The following TSPAN14 variants were observed in gnomAD, a reference collection of about 807,000 sequenced individuals.
The protein encoded by TSPAN14 is tetraspanin 14.
In TSPAN14, 16 loss-of-function variants were observed where a neutral mutation model predicts 36.6. That is an observed-to-expected ratio of 0.44 (90% CI 0.30 to 0.66). The LOEUF is 0.66. Ranked by LOEUF, TSPAN14 falls within the 30% of genes least tolerant of loss-of-function variation. TSPAN14 has a pLI of 0.12. For missense variants in TSPAN14, 231 were observed against 355.1 expected, an observed-to-expected ratio of 0.65 and a Z score of 2.81; for synonymous variants, 139 against 143.8, an observed-to-expected ratio of 0.97 and a Z score of 0.24.
At chr10:80,476,146 C>T (rs190707781) in intron 1 of TSPAN14, among the ~76,000 whole-genome samples, 85 of 151,946 alleles carry the variant, frequency 5.6e-4, no homozygotes, top group African/African-American at 1.9e-3. Flanking sequence ...CTGAGGCAGG[C>T]GAATTGCTTG....
intron 7 of TSPAN14, 197 bp from the exon 8 acceptor site, chr10:80,516,007 T>C: frequency 1.4e-6 from 1 of 699,720 alleles, no homozygotes; most frequent in Non-Finnish European, 2.3e-6. Flanking sequence ...AGACAGGTGG[T>C]GCGATGGCAC....
intron 2 of TSPAN14, among the ~76,000 whole-genome samples, chr10:80,501,544 T>C (rs1175243428): frequency 5.3e-5 from 8 of 152,172 alleles, no homozygotes; most frequent in Non-Finnish European, 4.4e-5. Context: ...TTGTTGAGTG[T>C]CCTTAAGGTA....
chr10:80,517,831 C>T lies in TSPAN14; in HGVS notation c.742-74C>T, dbSNP rs768120755. On this transcript the variant is annotated intron_variant, in intron 8 of 8. Coordinates refer to ENST00000429989, the Ensembl canonical transcript of TSPAN14. ...AGAGGCGTGCAGTGGGAGCTCCCAA[C>T]CCCACCCTCCGCTCCCTGCCCTCTG... 7.7e-4 allele frequency: 1,123 copies of T among 1,454,392 alleles called. 3 individuals carry two copies. The highest frequency in any genetic ancestry group is 9.7e-4 in the Non-Finnish European group (1,028 of 1,059,452). 90.1% of individuals were successfully genotyped at this position (1,454,392 alleles called of 1,614,324 possible). A position where few individuals can be genotyped will look rare whatever the true frequency, so the allele number is the denominator to read the frequency against.
chr10:80,522,600 TAAATA>T (rs1357462166), exon 9 of TSPAN14: 5 of 152,178 alleles, frequency 3.3e-5, no homozygotes, highest in African/African-American at 4.8e-5. Context: ...AAAGTACACT[TAAATA>T]AAAATCTAAA....
chr10:80,474,831 T>G (rs878652), intron 1 of TSPAN14, among the ~76,000 whole-genome samples: 39,791 of 151,910 alleles, frequency 0.26, 9,008 homozygotes, highest in African/African-American at 0.62. Flanking sequence ...TTCCCTTGGG[T>G]TTTCTCTCCC....
chr10:80,504,863 C>A, intron 3 of TSPAN14, 85 bp downstream of exon 3: 1 of 1,425,476 alleles, frequency 7.0e-7, no homozygotes, highest in Non-Finnish European at 9.9e-7. Flanking sequence ...CCAATCTGTT[C>A]CCTGACAACA....
At chr10:80,506,004 C>T (rs556006273) in intron 3 of TSPAN14, among the ~76,000 whole-genome samples, 7 of 152,358 alleles carry the variant, frequency 4.6e-5, no homozygotes, top group African/African-American at 1.4e-4. Context: ...CAGACAGAGA[C>T]TCTGTTGCCC....
chr10:80,520,479 C>T (rs578067841), exon 9 of TSPAN14: 20 of 454,622 alleles, frequency 4.4e-5, no homozygotes, highest in African/African-American at 1.8e-4. Flanking sequence ...CCTGAATCCC[C>T]GCCTTCCCTG....
rs13377059 is a variant in TSPAN14 at position 80,465,403 on chromosome 10, C to T, written c.-18+11032C>T. Among the ~76,000 whole-genome samples the T allele has an allele frequency of 5.5e-3, 844 of 152,328 alleles. 7 individuals carry two copies. Among genetic ancestry groups the T allele is most frequent in the Middle Eastern group, 0.024 (7 of 294 alleles). On this transcript the variant is annotated intron_variant, in intron 1 of 8. Coordinates refer to ENST00000429989, the Ensembl canonical transcript of TSPAN14. The stretch of plus-strand genomic sequence containing the variant: ...GCCATTTTCCTTTGTTCTGCCATCT[C>T]CGGGCTCTTGAATCTCAGGCTGGCA...
intron 1 of TSPAN14, among the ~76,000 whole-genome samples, chr10:80,460,101 A>G (rs1845900529): frequency 6.6e-6 from 1 of 152,180 alleles, no homozygotes; most frequent in Non-Finnish European, 1.5e-5. Flanking sequence ...ATTACGATAG[A>G]TGTAGGAATT....
At chr10:80,499,887 G>A (rs1848397777) in intron 2 of TSPAN14, among the ~76,000 whole-genome samples, 1 of 149,878 alleles carries the variant, frequency 6.7e-6, no homozygotes, top group South Asian at 2.2e-4. Flanking sequence ...TCTTCAGTAG[G>A]TAATTCAATT....
chr10:80,457,484 G>T (rs530852498), intron 1 of TSPAN14, among the ~76,000 whole-genome samples: 1 of 152,182 alleles, frequency 6.6e-6, no homozygotes, highest in Non-Finnish European at 1.5e-5. Context: ...CCACTGTGCC[G>T]GACCAGGTTT....
chr10:80,520,141 T>C (rs1841180554), exon 9 of TSPAN14: 1 of 167,928 alleles, frequency 6.0e-6, no homozygotes, highest in South Asian at 1.5e-4. Context: ...TAGATGCCTC[T>C]GACCCAGCCT....
intron 1 of TSPAN14, among the ~76,000 whole-genome samples, chr10:80,476,676 A>G (rs552639587): frequency 1.3e-5 from 2 of 151,892 alleles, no homozygotes; most frequent in African/African-American, 2.4e-5. Flanking sequence ...CGGCCTCCCA[A>G]AGTGCTGGGA....
At chr10:80,508,015 A>G (rs1840385628) in intron 4 of TSPAN14, among the ~76,000 whole-genome samples, 1 of 151,298 alleles carries the variant, frequency 6.6e-6, no homozygotes, top group Non-Finnish European at 1.5e-5. Context: ...TTTCTCTGGA[A>G]AAAAAAAAGA....
chr10:80,496,781 T>C (rs928479332), intron 2 of TSPAN14, among the ~76,000 whole-genome samples: 8 of 149,934 alleles, frequency 5.3e-5, no homozygotes, highest in Non-Finnish European at 1.0e-4. Flanking sequence ...ATTCTAATAT[T>C]GTAGTTTCTA....
chr10:80,501,891 A>T (rs1465051922), intron 2 of TSPAN14, among the ~76,000 whole-genome samples: 2 of 150,004 alleles, frequency 1.3e-5, no homozygotes, highest in African/African-American at 5.1e-5. Flanking sequence ...CTGAGGGCCA[A>T]GCCCTCCTCG....
chr10:80,509,612 C>A lies in TSPAN14; in HGVS notation c.450+141C>A. On this transcript the variant is annotated intron_variant, in intron 5 of 8. Transcript: ENST00000429989. The surrounding 1 kb of genome is among the most constrained non-coding windows in gnomAD (Gnocchi z 4.7). ...GACAGCAGGGAGGCCGTGGAACAAG[C>A]CACTCCACCTCTGGTCTGTTCCACT... 1.2e-6 allele frequency: 1 copy of A among 826,468 alleles called. No homozygotes were observed. The highest frequency in any genetic ancestry group is 1.9e-6 in the Non-Finnish European group (1 of 537,240). The allele number at this position is 826,468 out of a possible 1,614,324, so 51.2% of individuals were successfully genotyped here.
chr10:80,497,340 C>G (rs1353087166), intron 2 of TSPAN14, among the ~76,000 whole-genome samples: 1 of 152,178 alleles, frequency 6.6e-6, no homozygotes, highest in Non-Finnish European at 1.5e-5. Context: ...TAGTTTACAG[C>G]TGAGCTTTTC....
Sources: allele counts gnomAD v4.1 joint callset (sites outside exome capture counted in the v4.1 genomes callset), GRCh38; gene constraint gnomAD v4.1.1; non-coding constraint Gnocchi (gnomAD v3.1); transcripts MANE v1.5; gene names NCBI Gene and HGNC (gene_info 2026-07-23, HGNC 2026-07-21).